The following FILIP1L variants were observed in gnomAD, a reference collection of about 807,000 sequenced individuals.
The protein encoded by FILIP1L is filamin A interacting protein 1 like.
Under a neutral mutation model 96.6 loss-of-function variants are expected in FILIP1L, and 55 were observed. The observed-to-expected ratio is 0.57, with a 90% CI of 0.46 to 0.71. The LOEUF is 0.71. FILIP1L is among the 30% of genes least tolerant of loss of function. FILIP1L has a pLI of 0.00. For missense variants in FILIP1L, 1,304 were observed against 1,321.2 expected (o/e 0.99, Z 0.20); for synonymous variants, 467 against 473.9 (o/e 0.99, Z 0.19).
intron 1 of FILIP1L, among the ~76,000 whole-genome samples, chr3:100,097,586 A>C (rs1205327675): frequency 1.3e-5 from 2 of 152,122 alleles, no homozygotes; most frequent in African/African-American, 2.4e-5. Flanking sequence ...ATATATATAC[A>C]TGTTTTGTTG....
At chr3:99,985,657 C>T (rs1171887152) in intron 1 of FILIP1L, among the ~76,000 whole-genome samples, 9 of 151,404 alleles carry the variant, frequency 5.9e-5, no homozygotes, top group African/African-American at 1.9e-4. Flanking sequence ...GGCATGATCT[C>T]GGCTCACTGC....
At chr3:99,915,817 T>C (rs866193537) in intron 4 of FILIP1L, among the ~76,000 whole-genome samples, 28 of 152,302 alleles carry the variant, frequency 1.8e-4, no homozygotes, top group Middle Eastern at 6.8e-3. Context: ...GCATTGCACT[T>C]ATTGATGTTA....
chr3:99,899,986 C>T lies in FILIP1L; in HGVS notation c.605+24244G>A, dbSNP rs377442558. 1.5e-4 allele frequency among the ~76,000 whole-genome samples: 23 copies of T among 152,162 alleles called. No homozygotes were observed. The East Asian group carries it at 2.3e-3, about 15-fold the overall frequency. ...TCTGGTTCTACTGGATCTTTGAAAT[C>T]GTATAATTCTGAGGTCAGAACCAAC... On this transcript the variant is annotated intron_variant, in intron 4 of 5. Transcript: ENST00000477258.
intron 1 of FILIP1L, among the ~76,000 whole-genome samples, chr3:100,000,348 T>C (rs1019669958): frequency 3.9e-5 from 6 of 152,328 alleles, no homozygotes; most frequent in Admixed American, 1.3e-4. Flanking sequence ...TTTATTTGTT[T>C]TCTTGTTTGT....
chr3:99,874,546 T>C (rs953737040), intron 4 of FILIP1L: 1 of 152,212 alleles, frequency 6.6e-6, no homozygotes, highest in Non-Finnish European at 1.5e-5. Flanking sequence ...CTGCAGTTTA[T>C]ATAGCCTATC....
chr3:99,847,943 A>G (rs1943441502), intron 5 of FILIP1L: 1 of 1,004,740 alleles, frequency 1.0e-6, no homozygotes, highest in Non-Finnish European at 1.2e-6. Context: ...ATAACAAATT[A>G]TTTACTGTTT....
At chr3:99,863,760 G>A (rs1233150240) in intron 4 of FILIP1L, among the ~76,000 whole-genome samples, 6 of 152,188 alleles carry the variant, frequency 3.9e-5, no homozygotes, top group Middle Eastern at 3.4e-3. Context: ...TTACCACATC[G>A]TTCATCTCCC....
In FILIP1L at chr3:99,849,299, G is replaced by A; in HGVS notation, c.2377C>T (p.Pro793Ser). ...PSLNGRRISDPQVFSKEVQTE... is the reference protein window; with the variant it reads ...PSLNGRRISDSQVFSKEVQTE... Reference sequence around the variant, plus strand: ...TGAACTTCTTTAGAAAATACTTGAGGATCGGAAATTCTTCTTCCATTGAGA... The same window carrying A: ...TGAACTTCTTTAGAAAATACTTGAGAATCGGAAATTCTTCTTCCATTGAGA... The change falls in exon 5 of 6, where the codon CCT becomes TCT. Residue 793 changes from proline to serine, a missense_variant. Transcript: ENST00000477258. The A allele has an allele frequency of 1.2e-6, 2 of 1,614,102 alleles. No individual in the cohort carries two copies. The highest frequency in any genetic ancestry group is 1.7e-6 in the Non-Finnish European group (2 of 1,180,020).
chr3:99,970,683 A>G (rs1035935788), intron 1 of FILIP1L, among the ~76,000 whole-genome samples: 10 of 152,218 alleles, frequency 6.6e-5, no homozygotes, highest in African/African-American at 2.4e-4. Context: ...ATGACAAGAC[A>G]TTCTGTATAT....
At chr3:99,915,482 C>T (rs1706923253) in intron 4 of FILIP1L, among the ~76,000 whole-genome samples, 1 of 152,110 alleles carries the variant, frequency 6.6e-6, no homozygotes, top group South Asian at 2.1e-4. Flanking sequence ...GCATTGGAGA[C>T]TTTGGATGTA....
rs185279032 is a variant in FILIP1L, at chr3:100,026,936, G to A, written c.-11+87117C>T. Reference sequence around the variant, plus strand: ...CTCCCAATAACCCATAAGACTCTCCGACCTCATCTCTGCAGCTACATTGGC... The same window carrying A: ...CTCCCAATAACCCATAAGACTCTCCAACCTCATCTCTGCAGCTACATTGGC... On this transcript the variant is annotated intron_variant, in intron 1 of 5. Transcript: ENST00000477258. Among the ~76,000 whole-genome samples the A allele has an allele frequency of 1.6e-4, 24 of 151,958 alleles. 1 individual carries two copies. The East Asian group carries it at 4.1e-3, about 26-fold the overall frequency.
intron 3 of FILIP1L, among the ~76,000 whole-genome samples, chr3:99,925,082 G>A (rs1441937981): frequency 6.6e-6 from 1 of 152,168 alleles, no homozygotes; most frequent in Non-Finnish European, 1.5e-5. Flanking sequence ...TGCCCTAGCT[G>A]ATCTCTTCTG....
intron 1 of FILIP1L, among the ~76,000 whole-genome samples, chr3:100,087,717 A>C (rs2066035181): frequency 6.6e-6 from 1 of 151,944 alleles, no homozygotes; most frequent in African/African-American, 2.4e-5. Context: ...ACAAAGGAAA[A>C]GTTTTTGAAG....
chr3:99,856,895 G>A (rs1350195506), intron 4 of FILIP1L, among the ~76,000 whole-genome samples: 1 of 152,118 alleles, frequency 6.6e-6, no homozygotes, highest in Admixed American at 6.5e-5. Flanking sequence ...ATATCTAAAT[G>A]CTATAATACC....
chr3:99,891,908 TAGA>T lies in FILIP1L; in HGVS notation c.605+32319_605+32321del, dbSNP rs542177304. ...AGTCATTCTTAGGTCTACATATTAA[TAGA>T]AGAATCAGTCGGCTATCTAGAATAG... On this transcript the variant is annotated intron_variant, in intron 4 of 5. Transcript: ENST00000477258. 4.5e-3 allele frequency among the ~76,000 whole-genome samples: 687 copies of T among 152,334 alleles called. 4 individuals are homozygous for T. Among genetic ancestry groups the T allele is most frequent in the Non-Finnish European group, 7.8e-3 (532 of 68,032 alleles).
intron 4 of FILIP1L, among the ~76,000 whole-genome samples, chr3:99,905,512 C>T (rs1024099961): frequency 1.3e-5 from 2 of 152,228 alleles, no homozygotes; most frequent in African/African-American, 4.8e-5. Flanking sequence ...CATCTTATAG[C>T]ATAATCATTA....
chr3:100,000,203 C>A (rs1709803344), intron 1 of FILIP1L, among the ~76,000 whole-genome samples: 1 of 152,202 alleles, frequency 6.6e-6, no homozygotes, highest in Non-Finnish European at 1.5e-5. Flanking sequence ...TCCTTCAGGT[C>A]TCTATCTAAT....
At chr3:100,000,944 C>T (rs1447784308) in intron 1 of FILIP1L, among the ~76,000 whole-genome samples, 2 of 152,174 alleles carry the variant, frequency 1.3e-5, no homozygotes, top group African/African-American at 4.8e-5. Flanking sequence ...AGAGTAGCTC[C>T]TTGATTTAAT....
chr3:100,082,531 T>C (rs918291221), intron 1 of FILIP1L, among the ~76,000 whole-genome samples: 4 of 152,118 alleles, frequency 2.6e-5, no homozygotes, highest in African/African-American at 9.7e-5. Context: ...AGACAGCCCA[T>C]AATATCTGAG....
Sources: allele counts gnomAD v4.1 joint callset (sites outside exome capture counted in the v4.1 genomes callset), GRCh38; gene constraint gnomAD v4.1.1; transcripts MANE v1.5; gene names NCBI Gene and HGNC (gene_info 2026-07-23, HGNC 2026-07-21).